Variants in CACHD1 observed in about 807,000 individuals in gnomAD.
The protein encoded by CACHD1 is cache domain containing 1.
In CACHD1, 71 loss-of-function variants were observed where a neutral mutation model predicts 138.7. That is an observed-to-expected ratio of 0.51 (90% confidence interval 0.42 to 0.62). The LOEUF is 0.62. Ranked by LOEUF, CACHD1 falls within the 20% of genes least tolerant of loss-of-function variation. The pLI is 0.00. For missense variants in CACHD1, 1,389 were observed against 1,625.3 expected (o/e 0.85, Z 2.50); for synonymous variants, 578 against 591.5 (o/e 0.98, Z 0.33).
At chr1:64,639,920 C>A (rs1316851605) in intron 7 of CACHD1, among the ~76,000 whole-genome samples, 4 of 152,182 alleles carry the variant, frequency 2.6e-5, no homozygotes, top group African/African-American at 7.2e-5. Context: ...TTGCCCAGAG[C>A]TGCTGTCTTC....
intron 9 of CACHD1, 113 bp from the exon 10 acceptor site, chr1:64,652,048 A>G: frequency 1.0e-6 from 1 of 959,572 alleles, no homozygotes; most frequent in South Asian, 2.0e-5. Flanking sequence ...TTTTCTTCCA[A>G]ACAAAATTGA....
chr1:64,574,530 C>T (rs1204038216), intron 2 of CACHD1, among the ~76,000 whole-genome samples: 1 of 152,322 alleles, frequency 6.6e-6, no homozygotes, highest in East Asian at 1.9e-4. Flanking sequence ...TCTATCCTGA[C>T]TGTGTTGACT....
At chr1:64,571,260 G>A (rs1422236102) in intron 2 of CACHD1, among the ~76,000 whole-genome samples, 1 of 152,032 alleles carries the variant, frequency 6.6e-6, no homozygotes, top group Non-Finnish European at 1.5e-5. Flanking sequence ...GTTTTAAAAG[G>A]AATTTACTTT....
intron 1 of CACHD1, among the ~76,000 whole-genome samples, chr1:64,487,304 T>G (rs1271231062): frequency 9.9e-5 from 15 of 152,120 alleles, no homozygotes; most frequent in Admixed American, 9.2e-4. Flanking sequence ...TGTAGTAAAA[T>G]GAGTACATTC....
intron 2 of CACHD1, among the ~76,000 whole-genome samples, chr1:64,563,340 A>G (rs1273581485): frequency 6.6e-6 from 1 of 152,226 alleles, no homozygotes; most frequent in Non-Finnish European, 1.5e-5. Context: ...CTTAGCAGGT[A>G]TTAATACTCC....
chr1:64,632,078 T>TC (rs1359759949), intron 5 of CACHD1, among the ~76,000 whole-genome samples: 1 of 151,984 alleles, frequency 6.6e-6, no homozygotes, highest in African/African-American at 2.4e-5. Flanking sequence ...GACCTTTTTC[T>TC]CCTTGGCTGG....
chr1:64,564,850 A>C (rs372888917), intron 2 of CACHD1, among the ~76,000 whole-genome samples: 2 of 152,106 alleles, frequency 1.3e-5, no homozygotes, highest in East Asian at 3.9e-4. Flanking sequence ...TCTACTCCCA[A>C]ACACTTTCCA....
chr1:64,556,947 G>A (rs368012762), intron 2 of CACHD1, among the ~76,000 whole-genome samples: 9 of 151,976 alleles, frequency 5.9e-5, no homozygotes, highest in South Asian at 2.1e-4. Flanking sequence ...TGAAACCCCC[G>A]TCTCTACTAA....
chr1:64,500,574 C>T (rs558150739), intron 1 of CACHD1, among the ~76,000 whole-genome samples: 19 of 151,964 alleles, frequency 1.3e-4, no homozygotes, highest in East Asian at 3.9e-4. Context: ...CTACTGCGGC[C>T]GGGCTCAGTG....
chr1:64,520,185 T>TA (rs1201270954), intron 1 of CACHD1, among the ~76,000 whole-genome samples: 1 of 152,208 alleles, frequency 6.6e-6, no homozygotes, highest in Non-Finnish European at 1.5e-5. Flanking sequence ...CATGTCCACT[T>TA]AGGGGACAAG....
At chr1:64,617,136 G>GA (rs5774712) in intron 4 of CACHD1, among the ~76,000 whole-genome samples, 44 of 146,624 alleles carry the variant, frequency 3.0e-4, no homozygotes, top group African/African-American at 1.1e-3. Context: ...GATGCTTTGT[G>GA]AAAAAAAAAC....
At chr1:64,539,936 C>T (rs307334) in intron 1 of CACHD1, among the ~76,000 whole-genome samples, 127,802 of 152,186 alleles carry the variant, frequency 0.84, 54,313 homozygotes, top group Admixed American at 0.9. Flanking sequence ...CTGTATTGCA[C>T]TGTTCACTGT....
intron 1 of CACHD1, among the ~76,000 whole-genome samples, chr1:64,486,413 T>TAC (rs1184417702): frequency 1.4e-5 from 2 of 147,852 alleles, no homozygotes; most frequent in African/African-American, 2.5e-5. Context: ...CACACACACA[T>TAC]ACACACACAC....
intron 13 of CACHD1, 96 bp downstream of exon 13, chr1:64,658,969 C>T: frequency 9.4e-7 from 1 of 1,060,398 alleles, no homozygotes; most frequent in Admixed American, 3.1e-5. Flanking sequence ...AAAAAAGATA[C>T]TGAATGCCTG....
intron 13 of CACHD1, among the ~76,000 whole-genome samples, chr1:64,663,012 T>C (rs1649493350): frequency 6.6e-6 from 1 of 152,240 alleles, no homozygotes; most frequent in Non-Finnish European, 1.5e-5. Flanking sequence ...ATTGCTGCTA[T>C]GCAAATGAGA....
chr1:64,561,858 C>CAAAAAAA (rs35407984), intron 2 of CACHD1, among the ~76,000 whole-genome samples: 1 of 116,478 alleles, frequency 8.6e-6, no homozygotes, highest in African/African-American at 3.5e-5. Context: ...ACACTGTCTC[C>CAAAAAAA]AAAAAAAAAA....
rs560079228 is a variant in CACHD1 at position 64,592,757 on chromosome 1, T to C, written c.411-10049T>C. Reference sequence around the variant, plus strand: ...TCAGGTCTTGGGCAAATTAATTAGTTGGCAAATGAAGAATAAATTACGGTA... The same window carrying C: ...TCAGGTCTTGGGCAAATTAATTAGTCGGCAAATGAAGAATAAATTACGGTA... On this transcript the variant is annotated intron_variant, in intron 3 of 26. Transcript: ENST00000651257. Among the ~76,000 whole-genome samples, 40 of 152,224 alleles carry C rather than the reference T, an allele frequency of 2.6e-4. No homozygotes were observed. The East Asian group carries it at 7.5e-3, about 29-fold the overall frequency.
chr1:64,545,529 C>A (rs931427968), intron 1 of CACHD1, among the ~76,000 whole-genome samples: 10 of 152,234 alleles, frequency 6.6e-5, no homozygotes, highest in South Asian at 6.2e-4. Flanking sequence ...CATGTTGATG[C>A]ATGTTGCAAT....
intron 1 of CACHD1, among the ~76,000 whole-genome samples, chr1:64,477,359 T>C (rs1646179786): frequency 1.3e-5 from 2 of 152,198 alleles, no homozygotes; most frequent in Non-Finnish European, 2.9e-5. Context: ...CACGGACCTT[T>C]GGATGTGGTG....
Sources: allele counts gnomAD v4.1 joint callset (sites outside exome capture counted in the v4.1 genomes callset), GRCh38; gene constraint gnomAD v4.1.1; transcripts MANE v1.5; gene names NCBI Gene and HGNC (gene_info 2026-07-23, HGNC 2026-07-21).